DNAH11: variants seen among roughly 807,000 people sequenced by gnomAD.
The protein encoded by DNAH11 is dynein axonemal heavy chain 11, also known as axonemal beta dynein heavy chain 11.
A neutral mutation model predicts 526.0 loss-of-function variants in DNAH11; 442 were observed. The observed-to-expected ratio is 0.84, with a 90% confidence interval of 0.78 to 0.91. DNAH11 has a LOEUF of 0.91. Ranked by LOEUF, DNAH11 falls within the 40% of genes least tolerant of loss-of-function variation. The probability of loss-of-function intolerance (pLI) is 0.00; values close to 1 mark genes in which losing one functional copy is unlikely to be tolerated. For missense variants in DNAH11, 6,989 were observed against 5,448.7 expected (o/e 1.28, Z -8.90); for synonymous variants, 2,461 against 1,935.9 (o/e 1.27, Z -7.12).
At chr7:21,686,850 C>T (rs906597885) in intron 32 of DNAH11, among the ~76,000 whole-genome samples, 2 of 152,060 alleles carry the variant, frequency 1.3e-5, no homozygotes, top group African/African-American at 4.8e-5. Flanking sequence ...ATACACAGCT[C>T]TTAGGAAATG....
chr7:21,616,238 G>T lies in DNAH11; in HGVS notation c.4041G>T (p.Gln1347His). 2 of 1,613,644 alleles carry T rather than the reference G, an allele frequency of 1.2e-6. No homozygotes were observed. Among genetic ancestry groups the T allele is most frequent in the Non-Finnish European group, 1.7e-6 (2 of 1,179,698 alleles). ...GCATTGATAATTGGACTAAAACCCA[G>T]TGGAGACAGATTCATGTGGAACAGA... ...RRSIDNWTKT[Q>H]WRQIHVEQMD... Residue 1347 changes from glutamine (Q) to histidine (H), a missense_variant, in exon 22 of 82, where the codon CAG becomes CAT. Physicochemically the swap from Gln to His is conservative, Grantham distance 24. Coordinates refer to ENST00000409508, the MANE Select transcript of DNAH11 (RefSeq NM_001277115.2).
chr7:21,804,321 G>C (rs1273013009), intron 62 of DNAH11, among the ~76,000 whole-genome samples: 1 of 152,214 alleles, frequency 6.6e-6, no homozygotes, highest in Non-Finnish European at 1.5e-5. Flanking sequence ...GTGTTAGCCA[G>C]GATGGTCTCG....
chr7:21,728,942 A>G (rs2906671), intron 45 of DNAH11, among the ~76,000 whole-genome samples: 1 of 152,218 alleles, frequency 6.6e-6, no homozygotes, highest in Admixed American at 6.5e-5. Context: ...GCCTCTGGAC[A>G]CACTAAGGCG....
rs368578923 is a variant in DNAH11 at position 21,591,410 on chromosome 7, G to T, written c.2500G>T (p.Val834Leu). Reference sequence around the variant, plus strand: ...CAGAGTTGAGCGCACACAGAAAAACGTGAAGGTGATCCAGCAGACCATGAG... The same window carrying T: ...CAGAGTTGAGCGCACACAGAAAAACTTGAAGGTGATCCAGCAGACCATGAG... ...EHRVERTQKN[V>L]KVIQQTMRGW... The change falls in exon 14 of 82, where the codon GTG becomes TTG. Residue 834 changes from valine to leucine, a missense_variant. By Grantham distance (32) the Val-to-Leu change is conservative. Coordinates refer to ENST00000409508, the MANE Select transcript of DNAH11 (RefSeq NM_001277115.2). The T allele has an allele frequency of 6.2e-7, 1 of 1,613,936 alleles. No individual in the cohort carries two copies. The highest frequency in any genetic ancestry group is 8.5e-7 in the Non-Finnish European group (1 of 1,179,876).
At chr7:21,800,158 T>G (rs948954614) in intron 61 of DNAH11, among the ~76,000 whole-genome samples, 2 of 152,194 alleles carry the variant, frequency 1.3e-5, no homozygotes, top group African/African-American at 4.8e-5. Flanking sequence ...TCATCTTGCT[T>G]CTCTTTTACA....
chr7:21,773,651 A>T, intron 55 of DNAH11, 115 bp from the exon 56 acceptor site: 1 of 788,030 alleles, frequency 1.3e-6, no homozygotes, highest in Non-Finnish European at 1.9e-6. Flanking sequence ...CGTAGGTTAT[A>T]CTATCATTTT....
intron 6 of DNAH11, among the ~76,000 whole-genome samples, chr7:21,569,425 T>C (rs1184334359): frequency 6.6e-6 from 1 of 152,194 alleles, no homozygotes; most frequent in African/African-American, 2.4e-5. Flanking sequence ...GGAGTGTCGG[T>C]TGATCCCATG....
rs1786353937 is a variant in DNAH11, at chr7:21,750,225, A to G, written c.8801A>G (p.Glu2934Gly). 1 of 1,592,964 alleles carries G rather than the reference A, an allele frequency of 6.3e-7. No individual in the cohort carries two copies. Among genetic ancestry groups the G allele is most frequent in the Non-Finnish European group, 8.5e-7 (1 of 1,171,970 alleles). ...TTCTACTCATTCTTTGGGGCAGGAG[A>G]AATCCCAGATCTGTTCAGCGATGAA... ...VLINDLLASG[E>G]IPDLFSDEDV... The change falls in exon 54 of 82, where the codon GAA (glutamate) becomes GGA (glycine). Residue 2934 changes from glutamate (E) to glycine (G), a missense_variant. By Grantham distance (98) the Glu-to-Gly change is moderately conservative. Coordinates refer to ENST00000409508, the MANE Select transcript of DNAH11 (RefSeq NM_001277115.2).
At position 21,707,842 on chromosome 7, in the gene DNAH11, T is replaced by C; in HGVS notation, c.6683+7T>C. On this transcript the variant is annotated splice_region_variant and intron_variant, in intron 40 of 81. Coordinates refer to ENST00000409508, the MANE Select transcript of DNAH11 (RefSeq NM_001277115.2). ...GAGAATGGAAAGATGGCAAGTAGTATTTCCCCTTTAGAAGTGCTCAATTTT... is the reference window on the plus strand; with the variant it reads ...GAGAATGGAAAGATGGCAAGTAGTACTTCCCCTTTAGAAGTGCTCAATTTT... 1 of 1,591,100 alleles carries C rather than the reference T, an allele frequency of 6.3e-7. No individual in the cohort carries two copies. Among genetic ancestry groups the C allele is most frequent in the Non-Finnish European group, 8.5e-7 (1 of 1,170,276 alleles).
At chr7:21,585,711 G>A (rs1280172992) in intron 9 of DNAH11, among the ~76,000 whole-genome samples, 3 of 152,158 alleles carry the variant, frequency 2.0e-5, no homozygotes, top group Non-Finnish European at 4.4e-5. Flanking sequence ...TATGGTTTAG[G>A]TGGCCACAGA....
At chr7:21,895,883 C>T (rs896810079) in intron 79 of DNAH11, among the ~76,000 whole-genome samples, 2 of 152,176 alleles carry the variant, frequency 1.3e-5, no homozygotes, top group Non-Finnish European at 2.9e-5. Context: ...GCGCCCGCCA[C>T]CACATCCGGT....
chr7:21,681,081 T>C (rs1267630947), intron 30 of DNAH11, among the ~76,000 whole-genome samples: 1 of 152,060 alleles, frequency 6.6e-6, no homozygotes, highest in Non-Finnish European at 1.5e-5. Context: ...GGTAATAATA[T>C]TGTGATTTCT....
intron 65 of DNAH11, among the ~76,000 whole-genome samples, chr7:21,821,539 C>A (rs1790050621): frequency 6.6e-6 from 1 of 152,092 alleles, no homozygotes; most frequent in Non-Finnish European, 1.5e-5. Context: ...ATGTGAAAAC[C>A]TAGTTTCTTA....
intron 54 of DNAH11, among the ~76,000 whole-genome samples, chr7:21,752,585 T>C (rs957934858): frequency 1.3e-4 from 20 of 152,364 alleles, no homozygotes; most frequent in Admixed American, 4.6e-4. Context: ...TCTGTAACTT[T>C]CCAATTTTTT....
At chr7:21,607,640 A>G (rs1000473976) in intron 20 of DNAH11, among the ~76,000 whole-genome samples, 2 of 152,072 alleles carry the variant, frequency 1.3e-5, no homozygotes, top group African/African-American at 4.8e-5. Context: ...CAATTAAAAA[A>G]ACAAGCTTGT....
intron 66 of DNAH11, among the ~76,000 whole-genome samples, chr7:21,843,044 G>A (rs1782275349): frequency 6.6e-6 from 1 of 152,194 alleles, no homozygotes. Flanking sequence ...ATGTTGGAAT[G>A]TAATCGACTA....
In DNAH11 at chr7:21,655,982, G is replaced by A. The variant is rs746014324; in HGVS notation, c.5094+1G>A. ...AGCCGAGTGTGAATGTGTGGGCCAT[G>A]TAAGATTTGATTATGAGGTTTTCTA... On this transcript the variant is annotated splice_donor_variant, in intron 29 of 81. Coordinates refer to ENST00000409508, the MANE Select transcript of DNAH11 (RefSeq NM_001277115.2). LOFTEE classifies it high-confidence loss of function. 1 of 1,588,218 alleles carries A rather than the reference G, an allele frequency of 6.3e-7. No homozygotes were observed. The highest frequency in any genetic ancestry group is 2.3e-5 in the East Asian group (1 of 44,276).
intron 20 of DNAH11, among the ~76,000 whole-genome samples, chr7:21,608,802 C>G (rs887852758): frequency 6.6e-6 from 1 of 150,890 alleles, no homozygotes; most frequent in African/African-American, 2.4e-5. Flanking sequence ...TCATGCTATA[C>G]TATAACAGCA....
At chr7:21,844,348 C>T (rs1674616607) in intron 66 of DNAH11, among the ~76,000 whole-genome samples, 1 of 152,184 alleles carries the variant, frequency 6.6e-6, no homozygotes, top group Admixed American at 6.5e-5. Context: ...ACCACTTGAA[C>T]CCAGGGGCAG....
Sources: allele counts gnomAD v4.1 joint callset (sites outside exome capture counted in the v4.1 genomes callset), GRCh38; gene constraint gnomAD v4.1.1; transcripts MANE v1.5; gene names NCBI Gene and HGNC (gene_info 2026-07-23, HGNC 2026-07-21).